The following BST1 variants were observed in gnomAD, a reference collection of about 807,000 sequenced individuals.
BST1 encodes ADP-ribosyl cyclase/cyclic ADP-ribose hydrolase 2.
In BST1, 49 loss-of-function variants were observed where a neutral mutation model predicts 40.6. That is an observed-to-expected ratio of 1.21 (90% confidence interval 0.96 to 1.53). BST1 has a LOEUF of 1.53. Ranked by LOEUF, BST1 falls within the 40% of genes most tolerant of loss-of-function variation. The pLI is 0.00. For synonymous variants in BST1, 157 were observed against 159.3 expected, an observed-to-expected ratio of 0.99 and a Z score of 0.11; for missense variants, 423 against 395.9, an observed-to-expected ratio of 1.07 and a Z score of -0.58.
chr4:15,767,893 T>C, the BST1 span, among the ~76,000 whole-genome samples: 1 of 152,152 alleles, frequency 6.6e-6, no homozygotes, highest in African/African-American at 2.4e-5. Flanking sequence ...AGTGTTGAGA[T>C]TACAGGCATA....
the BST1 span, among the ~76,000 whole-genome samples, chr4:15,772,007 G>GTCTCTCTCTCTCTC: frequency 4.8e-3 from 720 of 148,842 alleles, 4 homozygotes; most frequent in African/African-American, 0.015. Context: ...AACAATGAAG[G>GTCTCTCTCTCTCTC]TCTCTCTCTC....
At chr4:15,768,648 C>A in the BST1 span, among the ~76,000 whole-genome samples, 12 of 152,100 alleles carry the variant, frequency 7.9e-5, no homozygotes, top group African/African-American at 2.6e-4. Context: ...CGCCCGCCAC[C>A]GCGCCCGGCT....
At chr4:15,707,857 A>ATG (rs1560277574) in intron 3 of BST1, among the ~76,000 whole-genome samples, 1 of 124,574 alleles carries the variant, frequency 8.0e-6, no homozygotes, top group Non-Finnish European at 1.7e-5. Context: ...CTCTCTCTCT[A>ATG]TATATATATA....
the BST1 span, among the ~76,000 whole-genome samples, chr4:15,760,493 G>A: frequency 6.6e-6 from 1 of 151,724 alleles, no homozygotes; most frequent in East Asian, 1.9e-4. Context: ...TTGAGGAATT[G>A]CCAGATTATT....
At chr4:15,705,418 G>GA (rs1719825990) in intron 1 of BST1, 97 bp from the exon 2 acceptor site, 1 of 1,389,504 alleles carries the variant, frequency 7.2e-7, no homozygotes, top group South Asian at 1.4e-5. Context: ...GTTACTATAT[G>GA]AAAAATCTCT....
downstream of BST1, among the ~76,000 whole-genome samples, chr4:15,736,944 C>A (rs1184187034): frequency 1.3e-5 from 2 of 152,084 alleles, no homozygotes; most frequent in South Asian, 2.1e-4. Flanking sequence ...GGAATCAAGA[C>A]AAAGGAAATG....
downstream of BST1, among the ~76,000 whole-genome samples, chr4:15,738,650 C>T (rs1178004655): frequency 6.6e-6 from 1 of 152,200 alleles, no homozygotes; most frequent in Non-Finnish European, 1.5e-5. Context: ...GATAGCTTAC[C>T]TGTTTGAAGT....
the BST1 span, among the ~76,000 whole-genome samples, chr4:15,771,412 A>C: frequency 6.6e-6 from 1 of 152,238 alleles, no homozygotes; most frequent in Non-Finnish European, 1.5e-5. Flanking sequence ...GTTTGTAGCC[A>C]AGCTTCTTGC....
At chr4:15,761,011 T>C in the BST1 span, among the ~76,000 whole-genome samples, 1 of 151,848 alleles carries the variant, frequency 6.6e-6, no homozygotes, top group Non-Finnish European at 1.5e-5. Context: ...TGTTTAAACA[T>C]TATGTATGGC....
At chr4:15,749,108 A>G in the BST1 span, among the ~76,000 whole-genome samples, 2 of 152,182 alleles carry the variant, frequency 1.3e-5, no homozygotes, top group South Asian at 2.1e-4. Flanking sequence ...GGGGAAGCTG[A>G]GGTGTCTATC....
intron 1 of BST1, among the ~76,000 whole-genome samples, chr4:15,703,753 T>G (rs535415200): frequency 1.8e-4 from 24 of 131,192 alleles, no homozygotes; most frequent in Admixed American, 4.6e-4. Context: ...AGGTGAGGGG[T>G]GTGTGTGTGT....
chr4:15,711,792 C>A lies in BST1; in HGVS notation c.452-15C>A. 2 of 1,592,132 alleles carry A rather than the reference C, an allele frequency of 1.3e-6. No homozygotes were observed. Among genetic ancestry groups the A allele is most frequent in the Non-Finnish European group, 8.6e-7 (1 of 1,160,286 alleles). ...AATCTTTGGAATAAAATGTGTTTGT[C>A]TACTTACCCCTTAGGACTCGATTAC... On this transcript the variant is annotated splice_polypyrimidine_tract_variant and intron_variant, in intron 3 of 8. Transcript: ENST00000265016.
chr4:15,748,290 C>T, the BST1 span, among the ~76,000 whole-genome samples: 3 of 152,192 alleles, frequency 2.0e-5, no homozygotes, highest in African/African-American at 7.2e-5. Flanking sequence ...GGTGCCGATA[C>T]TGAAGCTTAG....
chr4:15,717,242 A>C (rs1403905354), intron 6 of BST1, among the ~76,000 whole-genome samples: 2 of 152,184 alleles, frequency 1.3e-5, no homozygotes, highest in Non-Finnish European at 2.9e-5. Flanking sequence ...GTTATTCAAC[A>C]CTGTGCTTTC....
the BST1 span, among the ~76,000 whole-genome samples, chr4:15,756,775 G>T: frequency 6.6e-6 from 1 of 152,184 alleles, no homozygotes; most frequent in South Asian, 2.1e-4. Flanking sequence ...TGCACTGGCT[G>T]TGCAATGGCC....
intron 8 of BST1, among the ~76,000 whole-genome samples, chr4:15,728,901 C>T (rs1291247513): frequency 6.6e-6 from 1 of 152,082 alleles, no homozygotes; most frequent in Non-Finnish European, 1.5e-5. Flanking sequence ...CTGCCTTGGC[C>T]TCCCAAAGTG....
At chr4:15,715,927 G>C (rs1479561267) in intron 6 of BST1, 128 bp downstream of exon 6, 1 of 649,722 alleles carries the variant, frequency 1.5e-6, no homozygotes. Context: ...AATGGGGTTG[G>C]TAGAGAAAGA....
chr4:15,764,903 A>G, the BST1 span, among the ~76,000 whole-genome samples: 1 of 90,550 alleles, frequency 1.1e-5, no homozygotes, highest in Non-Finnish European at 2.4e-5. Flanking sequence ...TGTGTTTTGC[A>G]AAGTGTAGAA....
chr4:15,746,593 C>T, the BST1 span, among the ~76,000 whole-genome samples: 3 of 152,284 alleles, frequency 2.0e-5, no homozygotes, highest in South Asian at 6.2e-4. Flanking sequence ...ACCATTAATC[C>T]CTTCATGAAG....
Sources: gnomAD v4.1 joint callset for allele counts (sites outside exome capture counted in the v4.1 genomes callset) on GRCh38, gnomAD v4.1.1 for gene constraint, MANE v1.5 for transcripts, NCBI Gene and HGNC (gene_info 2026-07-23, HGNC 2026-07-21) for gene names.